Variants in CEMIP observed in about 807,000 individuals in gnomAD.
CEMIP encodes the protein cell migration-inducing and hyaluronan-binding protein.
In CEMIP, 105 loss-of-function variants were observed where a neutral mutation model predicts 156.9. The observed-to-expected ratio is 0.67, with a 90% CI of 0.57 to 0.79. The LOEUF (loss-of-function observed/expected upper bound fraction) is 0.79, where lower values mean the gene tolerates loss of function less well. Ranked by LOEUF, CEMIP falls within the 30% of genes least tolerant of loss-of-function variation. The probability of loss-of-function intolerance (pLI) is 0.00; values close to 1 mark genes in which losing one functional copy is unlikely to be tolerated. For synonymous variants in CEMIP, 676 were observed against 668.4 expected (o/e 1.01, Z -0.17); for missense variants, 1,457 against 1,769.4 (o/e 0.82, Z 3.17).
intron 25 of CEMIP, among the ~76,000 whole-genome samples, chr15:80,940,525 C>T (rs1169274608): frequency 1.3e-5 from 2 of 152,140 alleles, no homozygotes; most frequent in Non-Finnish European, 2.9e-5. Flanking sequence ...CACCTGCCTC[C>T]CCAGCTTCCC....
chr15:80,893,993 G>T (rs1216906185), intron 10 of CEMIP, among the ~76,000 whole-genome samples: 1 of 152,168 alleles, frequency 6.6e-6, no homozygotes, highest in African/African-American at 2.4e-5. Flanking sequence ...CCCTGGCTCT[G>T]GGATGGGCCC....
intron 1 of CEMIP, among the ~76,000 whole-genome samples, chr15:80,833,913 G>A (rs1790445516): frequency 6.6e-6 from 1 of 151,978 alleles, no homozygotes; most frequent in South Asian, 2.1e-4. Context: ...CAAGTGATCT[G>A]CCTGCCTCAG....
intron 1 of CEMIP, among the ~76,000 whole-genome samples, chr15:80,795,103 G>A (rs1002638560): frequency 4.6e-5 from 7 of 152,010 alleles, no homozygotes; most frequent in African/African-American, 1.7e-4. Flanking sequence ...GAGCAAGGCA[G>A]GACTGAAGGG....
rs999849683 is a variant in CEMIP, at chr15:80,888,079, G to A, written c.868+315G>A. Among the ~76,000 whole-genome samples, 5 of 152,078 alleles carry A rather than the reference G, an allele frequency of 3.3e-5. No individual in the cohort carries two copies. The South Asian group carries it at 6.2e-4, about 19-fold the overall frequency. On this transcript the variant is annotated intron_variant, in intron 8 of 29. Transcript: ENST00000394685. The stretch of plus-strand genomic sequence containing the variant: ...GGGGTGGTATTTTAAGAGCTAAAAC[G>A]AGGCTGGGTGTGGTGGCTCACGCTT...
At chr15:80,880,562 A>C (rs181766538) in intron 5 of CEMIP, among the ~76,000 whole-genome samples, 1 of 152,252 alleles carries the variant, frequency 6.6e-6, no homozygotes, top group Non-Finnish European at 1.5e-5. Context: ...CAGCTTCCCA[A>C]ATAGCTGAAA....
chr15:80,841,760 G>T (rs904370776), intron 1 of CEMIP, among the ~76,000 whole-genome samples: 6 of 152,210 alleles, frequency 3.9e-5, no homozygotes, highest in Non-Finnish European at 8.8e-5. Flanking sequence ...AATCAGAGCA[G>T]TTGGCCGTAT....
chr15:80,942,798 C>CG (rs1352972970), intron 27 of CEMIP, 147 bp from the exon 28 acceptor site: 3 of 929,992 alleles, frequency 3.2e-6, no homozygotes, highest in Admixed American at 1.7e-5. Flanking sequence ...CTGAGGGCTA[C>CG]GAGGAGTTAA....
At position 80,950,900 on chromosome 15, in the gene CEMIP, G is replaced by C. The variant is rs978134314; in HGVS notation, c.*1976G>C. On this transcript the variant is annotated 3_prime_UTR_variant, in exon 30 of 30. Coordinates refer to ENST00000394685, the MANE Select transcript of CEMIP (RefSeq NM_001293298.2). Reference sequence around the variant, plus strand: ...CTTTCCTTCAAAGAGGGCCTGCCTGGCTCCCTCCACCCAACTGCACCCATG... The same window carrying C: ...CTTTCCTTCAAAGAGGGCCTGCCTGCCTCCCTCCACCCAACTGCACCCATG... The C allele has an allele frequency of 6.5e-6, 1 of 152,694 alleles. No individual in the cohort carries two copies. 9.5% of individuals were successfully genotyped at this position (152,694 alleles called of 1,614,324 possible).
At chr15:80,879,080 G>A (rs544992239) in intron 4 of CEMIP, among the ~76,000 whole-genome samples, 1 of 152,226 alleles carries the variant, frequency 6.6e-6, no homozygotes, top group Non-Finnish European at 1.5e-5. Context: ...CACTTATCGA[G>A]AAAACTCCTT....
At chr15:80,943,875 A>T (rs1377837926) in intron 28 of CEMIP, among the ~76,000 whole-genome samples, 2 of 152,128 alleles carry the variant, frequency 1.3e-5, no homozygotes, top group African/African-American at 4.8e-5. Flanking sequence ...AACTTCTTAA[A>T]TGTAGGGAAA....
At chr15:80,824,896 A>T (rs1443422887) in intron 1 of CEMIP, among the ~76,000 whole-genome samples, 22 of 152,160 alleles carry the variant, frequency 1.4e-4, no homozygotes, top group Admixed American at 1.4e-3. Context: ...TCAGAAAGTG[A>T]TCTCGCAGGG....
rs1237264259 is a variant in CEMIP, at chr15:80,909,672, T to C, written c.1797+366T>C. 3 of 461,830 alleles carry C rather than the reference T, an allele frequency of 6.5e-6. No individual in the cohort carries two copies. In the Admixed American group the frequency reaches 7.0e-5, roughly 11 times the overall value. The allele number at this position is 461,830 out of a possible 1,614,324, so 28.6% of individuals were successfully genotyped here. A position where few individuals can be genotyped will look rare whatever the true frequency, so the allele number is the denominator to read the frequency against. On this transcript the variant is annotated intron_variant, in intron 14 of 29. Coordinates refer to ENST00000394685, the MANE Select transcript of CEMIP (RefSeq NM_001293298.2). ...GGATCATGCGAAGACCCGGCTGTGG[T>C]ATCTACCCAACAGATTTGAGATGGT...
chr15:80,786,969 C>T (rs892297944), intron 1 of CEMIP, among the ~76,000 whole-genome samples: 17 of 152,168 alleles, frequency 1.1e-4, no homozygotes, highest in African/African-American at 4.1e-4. Flanking sequence ...TTTGATTGAT[C>T]GCAAGATGTT....
At chr15:80,919,530 C>T (rs1900394265) in intron 14 of CEMIP, among the ~76,000 whole-genome samples, 1 of 152,214 alleles carries the variant, frequency 6.6e-6, no homozygotes. Flanking sequence ...GTCACCATCC[C>T]TGGCACGGCG....
chr15:80,904,233 G>A (rs1174102177), intron 12 of CEMIP, among the ~76,000 whole-genome samples: 2 of 152,202 alleles, frequency 1.3e-5, no homozygotes, highest in African/African-American at 4.8e-5. Flanking sequence ...CTTGTTTAAA[G>A]AAGGATTCTG....
At chr15:80,947,110 A>C (rs1178931033) in intron 29 of CEMIP, 45 bp downstream of exon 29, 2 of 1,261,108 alleles carry the variant, frequency 1.6e-6, no homozygotes, top group African/African-American at 1.5e-5. Context: ...AAACCAGAGA[A>C]GGCAAATGCC....
intron 1 of CEMIP, among the ~76,000 whole-genome samples, chr15:80,867,921 G>A (rs4145805): frequency 0.47 from 71,303 of 151,920 alleles, 17,286 homozygotes; most frequent in East Asian, 0.76. Context: ...GAGGAGGACA[G>A]GGCTCTTACT....
intron 28 of CEMIP, chr15:80,946,254 A>G (rs987812989): frequency 6.5e-6 from 1 of 152,682 alleles, no homozygotes; most frequent in Non-Finnish European, 1.5e-5. Flanking sequence ...CATCAAAAGA[A>G]GACAGCAAAA....
At chr15:80,915,241 G>T (rs1900227301) in intron 14 of CEMIP, among the ~76,000 whole-genome samples, 1 of 152,206 alleles carries the variant, frequency 6.6e-6, no homozygotes, top group African/African-American at 2.4e-5. Context: ...AAGCAGTTTA[G>T]TCCCTGCGTA....
Sources: allele counts gnomAD v4.1 joint callset (sites outside exome capture counted in the v4.1 genomes callset), GRCh38; gene constraint gnomAD v4.1.1; transcripts MANE v1.5; gene names NCBI Gene and HGNC (gene_info 2026-07-23, HGNC 2026-07-21).